The following TNRC6A variants were observed in gnomAD, a reference collection of about 807,000 sequenced individuals.
The protein encoded by TNRC6A is trinucleotide repeat containing adaptor 6A, also known as trinucleotide repeat-containing gene 6A protein.
A neutral mutation model predicts 221.2 loss-of-function variants in TNRC6A; 44 were observed. That is an observed-to-expected ratio of 0.20 (90% confidence interval 0.16 to 0.26). The LOEUF (loss-of-function observed/expected upper bound fraction) is 0.26, where lower values mean the gene tolerates loss of function less well. Among genes scored for constraint, TNRC6A ranks in the 10% least tolerant of loss-of-function variants. The probability of loss-of-function intolerance (pLI) is 1.00; values close to 1 mark genes in which losing one functional copy is unlikely to be tolerated. For missense variants in TNRC6A, 2,199 were observed against 2,404.4 expected (o/e 0.91, Z 1.79); for synonymous variants, 847 against 838.5 (o/e 1.01, Z -0.18).
chr16:24,772,566 C>T (rs529982833), intron 4 of TNRC6A, among the ~76,000 whole-genome samples: 4 of 152,008 alleles, frequency 2.6e-5, no homozygotes, highest in African/African-American at 9.6e-5. Context: ...AGGAGGATCA[C>T]CTGAGATCAG....
At chr16:24,655,815 G>C (rs1235050239) in intron 2 of TNRC6A, among the ~76,000 whole-genome samples, 3 of 152,028 alleles carry the variant, frequency 2.0e-5, no homozygotes, top group African/African-American at 7.2e-5. Flanking sequence ...TTAAATAACA[G>C]AATTAATAAA....
intron 2 of TNRC6A, among the ~76,000 whole-genome samples, chr16:24,731,416 G>T (rs566529411): frequency 7.2e-5 from 11 of 152,190 alleles, no homozygotes; most frequent in Non-Finnish European, 1.6e-4. Flanking sequence ...GATCGTTAAA[G>T]AATGTGTTCA....
intron 2 of TNRC6A, among the ~76,000 whole-genome samples, chr16:24,746,783 G>T (rs903397977): frequency 2.0e-5 from 3 of 152,158 alleles, no homozygotes; most frequent in African/African-American, 7.2e-5. Context: ...ATGATATTCA[G>T]GGCTGGGAAT....
intron 18 of TNRC6A, among the ~76,000 whole-genome samples, chr16:24,812,900 T>TTTG (rs2058577124): frequency 6.7e-6 from 1 of 149,074 alleles, no homozygotes; most frequent in Non-Finnish European, 1.5e-5. Flanking sequence ...TTTTTTTTTT[T>TTTG]TTGAGACCCC....
intron 2 of TNRC6A, among the ~76,000 whole-genome samples, chr16:24,701,324 T>C (rs777250236): frequency 6.6e-6 from 1 of 151,720 alleles, no homozygotes; most frequent in Non-Finnish European, 1.5e-5. Flanking sequence ...CAAGCCTCTC[T>C]GAGTCTGAGT....
intron 7 of TNRC6A, among the ~76,000 whole-genome samples, chr16:24,793,900 T>C (rs999371723): frequency 6.6e-6 from 1 of 152,262 alleles, no homozygotes; most frequent in South Asian, 2.1e-4. Context: ...ATCTAAATTA[T>C]ATTTTACCAA....
At chr16:24,780,035 A>G (rs748013627) in intron 5 of TNRC6A, among the ~76,000 whole-genome samples, 2 of 152,132 alleles carry the variant, frequency 1.3e-5, no homozygotes, top group Non-Finnish European at 2.9e-5. Context: ...ATAACTGTTT[A>G]ATATGGGGGC....
intron 1 of TNRC6A, among the ~76,000 whole-genome samples, chr16:24,639,435 G>T (rs537090561): frequency 2.6e-5 from 4 of 152,248 alleles, no homozygotes; most frequent in African/African-American, 9.6e-5. Context: ...GGAGGCTGCA[G>T]TGAGCTATGA....
chr16:24,621,972 A>C (rs1900697632), intron 1 of TNRC6A, among the ~76,000 whole-genome samples: 1 of 152,306 alleles, frequency 6.6e-6, no homozygotes, highest in African/African-American at 2.4e-5. Context: ...TTTTTATTGA[A>C]CAAGGGATTT....
intron 2 of TNRC6A, among the ~76,000 whole-genome samples, chr16:24,666,662 A>ATTT: frequency 8.8e-6 from 1 of 114,036 alleles, no homozygotes; most frequent in African/African-American, 3.8e-5. Flanking sequence ...AAAAAAAAAA[A>ATTT]AAAAAAATAT....
chr16:24,618,874 C>T (rs1900521277), intron 1 of TNRC6A, among the ~76,000 whole-genome samples: 2 of 152,048 alleles, frequency 1.3e-5, no homozygotes, highest in Admixed American at 1.3e-4. Flanking sequence ...AAGTGATCCA[C>T]CCACCTCGGC....
intron 2 of TNRC6A, among the ~76,000 whole-genome samples, chr16:24,683,327 G>T (rs146585699): frequency 6.6e-6 from 1 of 152,076 alleles, no homozygotes; most frequent in South Asian, 2.1e-4. Context: ...CTCCCAAGTA[G>T]GTGGGACTAC....
chr16:24,705,934 G>A (rs1473408818), intron 2 of TNRC6A, among the ~76,000 whole-genome samples: 2 of 152,132 alleles, frequency 1.3e-5, no homozygotes, highest in African/African-American at 4.8e-5. Context: ...TAATATGATT[G>A]CATATCTAGC....
At chr16:24,677,785 C>T (rs2142037810) in intron 2 of TNRC6A, among the ~76,000 whole-genome samples, 1 of 152,282 alleles carries the variant, frequency 6.6e-6, no homozygotes, top group Non-Finnish European at 1.5e-5. Flanking sequence ...GTAGTCAGTA[C>T]ATATCTGTTG....
At chr16:24,806,861 A>T in intron 17 of TNRC6A, 77 bp downstream of exon 17, 5 of 1,349,334 alleles carry the variant, frequency 3.7e-6, no homozygotes, top group Non-Finnish European at 5.2e-6. Flanking sequence ...GTACCCTTAC[A>T]GCTCTGTTCC....
intron 5 of TNRC6A, among the ~76,000 whole-genome samples, chr16:24,779,864 T>A (rs1244654421): frequency 1.3e-5 from 2 of 152,194 alleles, no homozygotes; most frequent in East Asian, 3.8e-4. Flanking sequence ...ACATTCTCAT[T>A]TTTAATTTTT....
intron 2 of TNRC6A, among the ~76,000 whole-genome samples, chr16:24,667,319 G>A (rs2055193353): frequency 6.6e-6 from 1 of 152,108 alleles, no homozygotes; most frequent in Admixed American, 6.6e-5. Flanking sequence ...CTCTCATCCT[G>A]CAGAAGACAG....
At chr16:24,658,460 C>G (rs181721746) in intron 2 of TNRC6A, among the ~76,000 whole-genome samples, 59 of 152,250 alleles carry the variant, frequency 3.9e-4, no homozygotes, top group African/African-American at 1.4e-3. Context: ...CTTCCCAATT[C>G]GAGCAATTCT....
intron 1 of TNRC6A, among the ~76,000 whole-genome samples, chr16:24,626,905 G>A (rs146938625): frequency 1.3e-5 from 2 of 149,990 alleles, no homozygotes; most frequent in East Asian, 3.9e-4. Context: ...ACCCGCCTTG[G>A]CCTCCCAAAG....
Sources: allele counts gnomAD v4.1 joint callset (sites outside exome capture counted in the v4.1 genomes callset), GRCh38; gene constraint gnomAD v4.1.1; transcripts MANE v1.5; gene names NCBI Gene and HGNC (gene_info 2026-07-23, HGNC 2026-07-21).